The following RARB variants were observed in gnomAD, a reference collection of about 807,000 sequenced individuals.
RARB encodes the protein HBV-activated protein.
In RARB, 17 loss-of-function variants were observed where a neutral mutation model predicts 51.9. The observed-to-expected ratio is 0.33, with a 90% confidence interval of 0.22 to 0.49. RARB has a LOEUF of 0.49. RARB is among the 20% of genes least tolerant of loss of function. The probability of loss-of-function intolerance (pLI) is 0.99; values close to 1 mark genes in which losing one functional copy is unlikely to be tolerated. For missense variants in RARB, 369 were observed against 550.8 expected, an observed-to-expected ratio of 0.67 and a Z score of 3.30; for synonymous variants, 215 against 195.4, an observed-to-expected ratio of 1.10 and a Z score of -0.84.
chr3:25,532,450 C>T lies in RARB; in HGVS notation c.448+31127C>T, dbSNP rs1212787015. On this transcript the variant is annotated intron_variant, in intron 3 of 7. Transcript: ENST00000330688. ...TGAAGCTGTTAAAAAACAAATAGCA[C>T]TTTTCATTTTAAAAGATATGTCTCC... Among the ~76,000 whole-genome samples, 3 of 152,140 alleles carry T rather than the reference C, an allele frequency of 2.0e-5. 1 individual carries two copies. The highest frequency in any genetic ancestry group is 2.9e-5 in the Non-Finnish European group (2 of 68,026).
chr3:25,071,749 G>C (rs866682584), intron 3 of RARB, among the ~76,000 whole-genome samples: 1 of 152,206 alleles, frequency 6.6e-6, no homozygotes, highest in Non-Finnish European at 1.5e-5. Flanking sequence ...ATGGTATAAG[G>C]AGAGGCGCTG....
At chr3:25,206,202 A>C (rs1004256396) in intron 5 of RARB, among the ~76,000 whole-genome samples, 5 of 152,210 alleles carry the variant, frequency 3.3e-5, no homozygotes, top group Non-Finnish European at 5.9e-5. Flanking sequence ...ATTTCATCTC[A>C]AGTGAATCCC....
rs540831717 is a variant in RARB, at chr3:25,404,657, G to A, written c.179-56536G>A. 5.9e-5 allele frequency among the ~76,000 whole-genome samples: 9 copies of A among 151,970 alleles called. No homozygotes were observed. In the East Asian group the frequency reaches 1.7e-3, roughly 29 times the overall value. Reference sequence around the variant, plus strand: ...CTTAGGGACAGATAGTGGAAGCAGGGGCATGGCGGGGAAGAAAACGCCAAC... The same window carrying A: ...CTTAGGGACAGATAGTGGAAGCAGGAGCATGGCGGGGAAGAAAACGCCAAC... On this transcript the variant is annotated intron_variant, in intron 5 of 11. Transcript: ENST00000383772.
rs562085215 is a variant in RARB, at chr3:25,434,103, G to A, written c.157+5215G>A. Among the ~76,000 whole-genome samples the A allele has an allele frequency of 1.8e-4, 28 of 152,308 alleles. No individual in the cohort carries two copies. The South Asian group carries it at 5.4e-3, about 29-fold the overall frequency. On this transcript the variant is annotated intron_variant, in intron 1 of 7. Transcript: ENST00000330688. ...TAACAGGAACTGACGTCAGCAAGGC[G>A]ACTCAACCTGGCCAAGCATTTCCTC... is the stretch of plus-strand genomic sequence containing the variant.
chr3:25,415,295 T>C (rs1216794120), intron 5 of RARB, among the ~76,000 whole-genome samples: 1 of 152,216 alleles, frequency 6.6e-6, no homozygotes, highest in Non-Finnish European at 1.5e-5. Flanking sequence ...CAAAATTTTC[T>C]CCTATTTTCT....
At chr3:25,320,512 T>C (rs1330601225) in intron 5 of RARB, among the ~76,000 whole-genome samples, 7 of 152,170 alleles carry the variant, frequency 4.6e-5, no homozygotes, top group South Asian at 4.1e-4. Flanking sequence ...CCATTACTAA[T>C]TCACCAGTCC....
chr3:25,319,954 G>T (rs912018847), intron 5 of RARB, among the ~76,000 whole-genome samples: 1 of 151,816 alleles, frequency 6.6e-6, no homozygotes, highest in Non-Finnish European at 1.5e-5. Flanking sequence ...GTGGTCAAAA[G>T]CTTGCCGTAA....
At chr3:25,494,045 A>G (rs1201211983) in intron 2 of RARB, among the ~76,000 whole-genome samples, 1 of 152,180 alleles carries the variant, frequency 6.6e-6, no homozygotes, top group African/African-American at 2.4e-5. Flanking sequence ...AGGTATTTGT[A>G]TTGATACCCA....
intron 5 of RARB, among the ~76,000 whole-genome samples, chr3:25,317,101 T>G (rs1258240010): frequency 2.0e-5 from 3 of 152,254 alleles, no homozygotes; most frequent in Non-Finnish European, 4.4e-5. Flanking sequence ...GAATACAACA[T>G]TTTTGCATAG....
In RARB at chr3:25,580,537, C is replaced by T. The variant is rs745573608; in HGVS notation, c.610-9C>T. The T allele has an allele frequency of 6.4e-7, 1 of 1,566,936 alleles. No homozygotes were observed. Among genetic ancestry groups the T allele is most frequent in the Admixed American group, 1.7e-5 (1 of 58,800 alleles). On this transcript the variant is annotated splice_polypyrimidine_tract_variant and intron_variant, in intron 4 of 7. Coordinates refer to ENST00000330688, the MANE Select transcript of RARB (RefSeq NM_000965.5). ...AACTGTATCTGATGACATTTTCTCT[C>T]TCTCCTAGAATTCCAGTGCTGACCA...
intron 2 of RARB, among the ~76,000 whole-genome samples, chr3:24,922,921 A>G (rs2125388072): frequency 6.6e-6 from 1 of 152,308 alleles, no homozygotes; most frequent in East Asian, 1.9e-4. Context: ...ACAGCTAGAG[A>G]AGACTACATT....
At chr3:25,238,842 G>C (rs1049589873) in intron 5 of RARB, among the ~76,000 whole-genome samples, 4 of 152,132 alleles carry the variant, frequency 2.6e-5, no homozygotes, top group African/African-American at 9.7e-5. Flanking sequence ...AGCCAGGCAT[G>C]ATGGCGCGTG....
At chr3:24,878,048 G>A (rs1703080787) in intron 2 of RARB, among the ~76,000 whole-genome samples, 1 of 152,264 alleles carries the variant, frequency 6.6e-6, no homozygotes, top group East Asian at 1.9e-4. Context: ...GTTCCAAAAT[G>A]AGAACAGTAA....
intron 3 of RARB, among the ~76,000 whole-genome samples, chr3:25,071,308 CACAA>C (rs756293672): frequency 2.0e-4 from 30 of 152,300 alleles, no homozygotes; most frequent in Non-Finnish European, 3.2e-4. Context: ...TTTTGATAAT[CACAA>C]ACAGTTACTT....
intron 1 of RARB, among the ~76,000 whole-genome samples, chr3:24,852,182 A>C (rs1429661147): frequency 6.6e-6 from 1 of 152,244 alleles, no homozygotes; most frequent in Non-Finnish European, 1.5e-5. Context: ...CATTACATAC[A>C]GCAGGCCTCC....
intron 2 of RARB, among the ~76,000 whole-genome samples, chr3:25,483,450 G>C (rs1696325122): frequency 6.6e-6 from 1 of 151,750 alleles, no homozygotes; most frequent in Non-Finnish European, 1.5e-5. Flanking sequence ...GATTCCATTT[G>C]AGTGACTTAA....
chr3:25,138,934 C>G (rs1362985263), intron 4 of RARB, among the ~76,000 whole-genome samples: 2 of 152,094 alleles, frequency 1.3e-5, no homozygotes, highest in South Asian at 4.1e-4. Flanking sequence ...CTGTCTCTGT[C>G]ACAAATATTC....
chr3:25,020,129 TATTATTATTATTATTATTATTA>T (rs1311348037), intron 2 of RARB: 481 of 38,188 alleles, frequency 0.013, 10 homozygotes, highest in African/African-American at 0.099. Flanking sequence ...TTATTATTAT[TATTATTATTATTATTATTATTA>T]TTATTTTATT....
At chr3:25,246,511 G>A (rs1702565121) in intron 5 of RARB, among the ~76,000 whole-genome samples, 1 of 152,106 alleles carries the variant, frequency 6.6e-6, no homozygotes, top group Admixed American at 6.5e-5. Flanking sequence ...TTGCATGGTT[G>A]TCCTTTTTGT....
Sources: allele counts gnomAD v4.1 joint callset (sites outside exome capture counted in the v4.1 genomes callset), GRCh38; gene constraint gnomAD v4.1.1; transcripts MANE v1.5; gene names NCBI Gene and HGNC (gene_info 2026-07-23, HGNC 2026-07-21).